Variants in ADGRL2 observed in about 807,000 individuals in gnomAD.
The protein encoded by ADGRL2 is calcium-independent alpha-latrotoxin receptor 2.
A neutral mutation model predicts 157.4 loss-of-function variants in ADGRL2; 44 were observed. The ratio of observed to expected loss-of-function variants is 0.28; its 90% CI spans 0.22 to 0.36. The LOEUF (loss-of-function observed/expected upper bound fraction) is 0.36, where lower values mean the gene tolerates loss of function less well. Among genes scored for constraint, ADGRL2 ranks in the 10% least tolerant of loss-of-function variants. The probability of loss-of-function intolerance (pLI) is 1.00; values close to 1 mark genes in which losing one functional copy is unlikely to be tolerated. For missense variants in ADGRL2, 1,510 were observed against 1,768.9 expected (o/e 0.85, Z 2.63); for synonymous variants, 585 against 624.7 (o/e 0.94, Z 0.95).
At chr1:81,483,932 A>G (rs1037718213) in intron 2 of ADGRL2, among the ~76,000 whole-genome samples, 2 of 152,208 alleles carry the variant, frequency 1.3e-5, no homozygotes, top group South Asian at 4.1e-4. Flanking sequence ...AATGAAAACA[A>G]TTGTGATGCA....
At position 81,397,313 on chromosome 1, in the gene ADGRL2, C is replaced by CTTTTTT. The variant is rs59449077; in HGVS notation, c.-301-47703_-301-47698dup. ...TCTGTGGTATTAGTTATAATGTCTCCTTTTTTTTTTTTTTTTTTTTTTTTT... is the reference window on the plus strand; with the variant it reads ...TCTGTGGTATTAGTTATAATGTCTCCTTTTTTTTTTTTTTTTTTTTTTTTTTTTTTT... On this transcript the variant is annotated intron_variant, in intron 1 of 24. Coordinates refer to the ADGRL2 transcript ENST00000370721. Among the ~76,000 whole-genome samples, 31 of 53,634 alleles carry CTTTTTT rather than the reference C, an allele frequency of 5.8e-4. 1 individual carries two copies. Among genetic ancestry groups the CTTTTTT allele is most frequent in the African/African-American group, 1.7e-3 (23 of 13,416 alleles). 35.2% of individuals were successfully genotyped at this position (53,634 alleles called of 152,430 possible).
At chr1:81,935,390 A>C (rs1348505648) in intron 3 of ADGRL2, among the ~76,000 whole-genome samples, 1 of 152,014 alleles carries the variant, frequency 6.6e-6, no homozygotes, top group African/African-American at 2.4e-5. Flanking sequence ...AGTTCATTGT[A>C]GTATACTTTG....
chr1:81,746,314 G>A (rs2085244573), intron 1 of ADGRL2, among the ~76,000 whole-genome samples: 1 of 151,650 alleles, frequency 6.6e-6, no homozygotes, highest in Non-Finnish European at 1.5e-5. Flanking sequence ...TTTGAGACAG[G>A]GTCTTGCTCT....
chr1:81,452,716 T>C (rs1045119576), intron 2 of ADGRL2, among the ~76,000 whole-genome samples: 1 of 152,182 alleles, frequency 6.6e-6, no homozygotes, highest in Admixed American at 6.5e-5. Flanking sequence ...TCAGAGACTA[T>C]CCAAGTTGAA....
At chr1:81,517,704 A>G (rs567922842) in intron 2 of ADGRL2, among the ~76,000 whole-genome samples, 1 of 152,290 alleles carries the variant, frequency 6.6e-6, no homozygotes, top group East Asian at 1.9e-4. Flanking sequence ...CCTCACTGCA[A>G]GGAAGAGATG....
chr1:81,755,566 G>C (rs1208331267), intron 1 of ADGRL2, among the ~76,000 whole-genome samples: 1 of 151,996 alleles, frequency 6.6e-6, no homozygotes, highest in African/African-American at 2.4e-5. Flanking sequence ...AAGTCACTGA[G>C]ACCACAATTA....
chr1:81,794,786 C>T (rs934383332), intron 2 of ADGRL2, among the ~76,000 whole-genome samples: 1 of 152,038 alleles, frequency 6.6e-6, no homozygotes, highest in African/African-American at 2.4e-5. Context: ...AAGTTGAAAC[C>T]TGAATGATAC....
intron 3 of ADGRL2, among the ~76,000 whole-genome samples, chr1:81,633,119 C>G (rs1318804439): frequency 5.3e-5 from 8 of 152,104 alleles, no homozygotes; most frequent in Non-Finnish European, 1.2e-4. Context: ...TCTTTAGTCC[C>G]AATATACAGA....
chr1:81,398,046 A>T (rs1203225571), intron 1 of ADGRL2, among the ~76,000 whole-genome samples: 1 of 152,054 alleles, frequency 6.6e-6, no homozygotes, highest in Admixed American at 6.5e-5. Flanking sequence ...TGCTGAATGG[A>T]TCCCTTTATA....
intron 1 of ADGRL2, among the ~76,000 whole-genome samples, chr1:81,727,386 CTTATA>C (rs1295653435): frequency 2.6e-5 from 4 of 151,988 alleles, no homozygotes; most frequent in Non-Finnish European, 5.9e-5. Flanking sequence ...TATATTAGTA[CTTATA>C]TTTATTTGTA....
intron 2 of ADGRL2, among the ~76,000 whole-genome samples, chr1:81,507,078 C>A (rs958939035): frequency 2.0e-5 from 3 of 151,560 alleles, no homozygotes; most frequent in Non-Finnish European, 2.9e-5. Flanking sequence ...AGAAAGAGTG[C>A]AATGGAGGAA....
At chr1:81,310,725 G>C (rs1477789872) in intron 1 of ADGRL2, among the ~76,000 whole-genome samples, 1 of 152,038 alleles carries the variant, frequency 6.6e-6, no homozygotes, top group Non-Finnish European at 1.5e-5. Flanking sequence ...GTATGGGAAA[G>C]GTTGGGAATT....
upstream of ADGRL2, among the ~76,000 whole-genome samples, chr1:81,795,465 T>C (rs535044926): frequency 4.6e-5 from 7 of 152,308 alleles, no homozygotes; most frequent in African/African-American, 1.4e-4. Context: ...ATAATTACTT[T>C]ATGCTGTATA....
At chr1:81,768,259 G>T (rs1420345534) in intron 2 of ADGRL2, among the ~76,000 whole-genome samples, 2 of 151,896 alleles carry the variant, frequency 1.3e-5, no homozygotes, top group Admixed American at 1.3e-4. Context: ...TGTTGCCAGG[G>T]CTGGTCTTGA....
chr1:81,897,068 A>C (rs191002122), intron 2 of ADGRL2, among the ~76,000 whole-genome samples: 127 of 152,320 alleles, frequency 8.3e-4, no homozygotes, highest in Non-Finnish European at 1.7e-3. Flanking sequence ...CTAGGCACAT[A>C]GTAGTTACTC....
intron 3 of ADGRL2, among the ~76,000 whole-genome samples, chr1:81,590,512 C>T (rs948987671): frequency 1.4e-4 from 21 of 152,090 alleles, no homozygotes; most frequent in Middle Eastern, 6.8e-3. Flanking sequence ...TCCTACCATC[C>T]CCCTTGCTAC....
intron 3 of ADGRL2, among the ~76,000 whole-genome samples, chr1:81,673,282 A>G (rs1208638179): frequency 6.6e-6 from 1 of 151,986 alleles, no homozygotes; most frequent in Non-Finnish European, 1.5e-5. Flanking sequence ...TAACCAATAT[A>G]CCCTCATTCA....
intron 2 of ADGRL2, among the ~76,000 whole-genome samples, chr1:81,567,931 T>A (rs1258451775): frequency 2.0e-5 from 3 of 152,116 alleles, no homozygotes; most frequent in African/African-American, 7.2e-5. Flanking sequence ...AATAGCAAGA[T>A]AAGTCATAGT....
chr1:81,374,332 G>C (rs960998134), intron 1 of ADGRL2, among the ~76,000 whole-genome samples: 3 of 152,104 alleles, frequency 2.0e-5, no homozygotes, highest in African/African-American at 7.2e-5. Context: ...AGCACTTTGG[G>C]AGGCCGAGGC....
Sources: gnomAD v4.1 joint callset for allele counts (sites outside exome capture counted in the v4.1 genomes callset) on GRCh38, gnomAD v4.1.1 for gene constraint, MANE v1.5 for transcripts, NCBI Gene and HGNC (gene_info 2026-07-23, HGNC 2026-07-21) for gene names.